PTPRD: variants seen among roughly 807,000 people sequenced by gnomAD.
The protein encoded by PTPRD is receptor-type tyrosine-protein phosphatase delta.
PTPRD carries 34 observed loss-of-function variants against 214.5 expected under a neutral mutation model. The observed-to-expected ratio is 0.16, with a 90% CI of 0.12 to 0.21. The LOEUF is 0.21. PTPRD is among the 10% of genes least tolerant of loss of function. PTPRD has a pLI of 1.00. For missense variants in PTPRD, 2,545 were observed against 2,398.7 expected (o/e 1.06, Z -1.27); for synonymous variants, 1,128 against 845.7 (o/e 1.33, Z -5.79).
At chr9:10,147,259 T>C (rs1401046066) in intron 3 of PTPRD, among the ~76,000 whole-genome samples, 1 of 138,830 alleles carries the variant, frequency 7.2e-6, no homozygotes, top group African/African-American at 2.8e-5. Flanking sequence ...AAACAACATA[T>C]AGTTCTTTTT....
At chr9:8,891,294 T>G (rs180688628) in intron 11 of PTPRD, among the ~76,000 whole-genome samples, 2,970 of 151,870 alleles carry the variant, frequency 0.02, 95 homozygotes, top group African/African-American at 0.068. Context: ...CCACCACGCC[T>G]GGCTAATTTT....
At chr9:9,106,170 C>A (rs1399406192) in intron 10 of PTPRD, among the ~76,000 whole-genome samples, 1 of 152,012 alleles carries the variant, frequency 6.6e-6, no homozygotes, top group Non-Finnish European at 1.5e-5. Flanking sequence ...TGTTATAGGG[C>A]TTCAGGTACA....
rs745836771 is a variant in PTPRD at position 8,517,864 on chromosome 9, G to T, written c.1527C>A (p.Val509=). Residue 509 remains valine, a synonymous_variant, in exon 21 of 46, where the codon GTC becomes GTA. Transcript: ENST00000381196. ...CAAACTTACCTCCTGTCTGAGTGAT[G>T]ACTTGTATGTCACTTGAAAGGGGAC... ...GDGPLSSDIQ[V]ITQTGVPGQP... The T allele has an allele frequency of 2.5e-6, 4 of 1,613,326 alleles. No homozygotes were observed. The South Asian group carries it at 3.3e-5, about 13-fold the overall frequency.
At position 9,714,418 on chromosome 9, in the gene PTPRD, T is replaced by G. The variant is rs189823911; in HGVS notation, c.-287+20115A>C. Among the ~76,000 whole-genome samples, 125 of 152,284 alleles carry G rather than the reference T, an allele frequency of 8.2e-4. 2 individuals are homozygous for G. Among genetic ancestry groups the G allele is most frequent in the African/African-American group, 2.9e-3 (121 of 41,564 alleles). On this transcript the variant is annotated intron_variant, in intron 7 of 45. Coordinates refer to ENST00000381196, the MANE Select transcript of PTPRD (RefSeq NM_002839.4). ...GCAAATGTGAAACCATTTTAAAAGT[T>G]TTTATTATTGGCATGGAACATATTT... is the stretch of plus-strand genomic sequence containing the variant.
chr9:10,238,569 G>C (rs1051109194), intron 3 of PTPRD, among the ~76,000 whole-genome samples: 1 of 151,762 alleles, frequency 6.6e-6, no homozygotes, highest in Non-Finnish European at 1.5e-5. Context: ...TTTTGATGTT[G>C]ACTTTAGCTA....
chr9:9,159,041 T>G (rs1178786978), intron 10 of PTPRD, among the ~76,000 whole-genome samples: 1 of 152,170 alleles, frequency 6.6e-6, no homozygotes, highest in African/African-American at 2.4e-5. Context: ...AGACAAAGTA[T>G]AGAAGGAATG....
chr9:8,925,621 G>A (rs1306683655), intron 11 of PTPRD, among the ~76,000 whole-genome samples: 1 of 126,002 alleles, frequency 7.9e-6, no homozygotes, highest in Non-Finnish European at 1.5e-5. Context: ...ACCTCTGCAT[G>A]GAGATCCTCA....
At chr9:9,051,665 A>G (rs1046060653) in intron 10 of PTPRD, among the ~76,000 whole-genome samples, 2 of 152,212 alleles carry the variant, frequency 1.3e-5, no homozygotes, top group Non-Finnish European at 2.9e-5. Context: ...AGTTAATGTT[A>G]GGTTGTGACA....
chr9:9,473,962 G>C (rs373210736), intron 8 of PTPRD, among the ~76,000 whole-genome samples: 1 of 151,392 alleles, frequency 6.6e-6, no homozygotes, highest in African/African-American at 2.4e-5. Context: ...AAGCTTTTTT[G>C]TTTGATATAG....
chr9:9,720,614 A>G (rs1479375085), intron 7 of PTPRD, among the ~76,000 whole-genome samples: 1 of 152,182 alleles, frequency 6.6e-6, no homozygotes, highest in Non-Finnish European at 1.5e-5. Context: ...GCAGGTGACT[A>G]CTACTGAGAA....
At chr9:8,465,978 C>T (rs2096536910) in intron 31 of PTPRD, among the ~76,000 whole-genome samples, 1 of 151,848 alleles carries the variant, frequency 6.6e-6, no homozygotes. Context: ...TCTCAAAGTG[C>T]ATCATAACTT....
intron 3 of PTPRD, among the ~76,000 whole-genome samples, chr9:10,120,019 G>C (rs1027283580): frequency 2.6e-5 from 4 of 152,008 alleles, no homozygotes; most frequent in African/African-American, 9.7e-5. Context: ...GATAGTGATA[G>C]AAACTTAGCT....
intron 10 of PTPRD, among the ~76,000 whole-genome samples, chr9:9,106,716 G>A (rs2099799170): frequency 6.6e-6 from 1 of 150,486 alleles, no homozygotes; most frequent in South Asian, 2.1e-4. Context: ...AGCAAACTCT[G>A]TAGTTGGTGA....
At chr9:10,012,239 T>A (rs1055946080) in intron 4 of PTPRD, among the ~76,000 whole-genome samples, 1 of 151,888 alleles carries the variant, frequency 6.6e-6, no homozygotes. Context: ...ATCATCTATA[T>A]GACCAAATTG....
At chr9:9,117,363 A>C (rs1028600918) in intron 10 of PTPRD, among the ~76,000 whole-genome samples, 13 of 152,112 alleles carry the variant, frequency 8.5e-5, no homozygotes, top group Non-Finnish European at 1.8e-4. Flanking sequence ...TTACTTACTA[A>C]CCTACCATTT....
intron 7 of PTPRD, among the ~76,000 whole-genome samples, chr9:9,638,063 C>A (rs557562986): frequency 1.1e-4 from 17 of 152,256 alleles, no homozygotes; most frequent in Non-Finnish European, 2.4e-4. Context: ...TCTTTGGGGT[C>A]ATTATCCCAT....
chr9:8,446,656 C>T (rs756143340), intron 34 of PTPRD, among the ~76,000 whole-genome samples: 7 of 152,080 alleles, frequency 4.6e-5, no homozygotes, highest in Non-Finnish European at 8.8e-5. Flanking sequence ...TATTCTCAAG[C>T]GTTATAATGT....
chr9:8,390,710 C>G (rs111733448), intron 36 of PTPRD, among the ~76,000 whole-genome samples: 4 of 152,058 alleles, frequency 2.6e-5, no homozygotes, highest in African/African-American at 7.2e-5. Flanking sequence ...TCAGCACATG[C>G]CTTTAAGAGA....
At chr9:10,240,480 A>G (rs1369094791) in intron 3 of PTPRD, among the ~76,000 whole-genome samples, 2 of 151,970 alleles carry the variant, frequency 1.3e-5, no homozygotes, top group Admixed American at 6.6e-5. Flanking sequence ...AATGCATCAT[A>G]AAAGATCACA....
Sources: allele counts gnomAD v4.1 joint callset (sites outside exome capture counted in the v4.1 genomes callset), GRCh38; gene constraint gnomAD v4.1.1; transcripts MANE v1.5; gene names NCBI Gene and HGNC (gene_info 2026-07-23, HGNC 2026-07-21).